ZFAT: variants seen among roughly 807,000 people sequenced by gnomAD.
The protein encoded by ZFAT is zinc finger and AT-hook domain containing.
Under a neutral mutation model 117.7 loss-of-function variants are expected in ZFAT, and 64 were observed. The ratio of observed to expected loss-of-function variants is 0.54; its 90% CI spans 0.44 to 0.67. ZFAT has a LOEUF of 0.67. ZFAT is among the 30% of genes least tolerant of loss of function. The pLI is 0.00. For synonymous variants in ZFAT, 679 were observed against 615.0 expected, an observed-to-expected ratio of 1.10 and a Z score of -1.54; for missense variants, 1,433 against 1,584.5, an observed-to-expected ratio of 0.90 and a Z score of 1.62.
chr8:134,736,693 T>C, the ZFAT span, among the ~76,000 whole-genome samples: 11 of 152,220 alleles, frequency 7.2e-5, no homozygotes, highest in Admixed American at 6.5e-4. Context: ...CCTCTCAGGC[T>C]CAAGTGATCC....
chr8:134,557,536 A>C (rs1823737172), intron 11 of ZFAT, among the ~76,000 whole-genome samples: 1 of 152,242 alleles, frequency 6.6e-6, no homozygotes, highest in Non-Finnish European at 1.5e-5. Context: ...ACAACAGGGG[A>C]AACTGGGTGT....
chr8:134,644,992 C>T (rs1247245552), intron 2 of ZFAT, among the ~76,000 whole-genome samples: 2 of 152,082 alleles, frequency 1.3e-5, no homozygotes, highest in Non-Finnish European at 2.9e-5. Flanking sequence ...GAGATATGAT[C>T]ACACACACGC....
Position 134,576,740 on chromosome 8 carries a change from T to C in ZFAT, c.2887+7092A>G, listed in dbSNP as rs561873774. 8.5e-5 allele frequency among the ~76,000 whole-genome samples: 13 copies of C among 152,350 alleles called. No individual in the cohort carries two copies. In the South Asian group the frequency reaches 2.7e-3, roughly 32 times the overall value. ...TTTAATTTGCAGCCATGAGATCTCT[T>C]ATCATAAATTGAAGAAGGGACAGAA... On this transcript the variant is annotated intron_variant, in intron 10 of 15. Transcript: ENST00000377838.
At chr8:134,763,873 T>C in the ZFAT span, among the ~76,000 whole-genome samples, 1 of 152,230 alleles carries the variant, frequency 6.6e-6, no homozygotes. Flanking sequence ...AAAAAGTCTG[T>C]CTGATTCTAT....
At chr8:134,516,218 A>G (rs1820242237) in intron 13 of ZFAT, among the ~76,000 whole-genome samples, 1 of 152,188 alleles carries the variant, frequency 6.6e-6, no homozygotes, top group South Asian at 2.1e-4. Flanking sequence ...TCCTCCATCC[A>G]TGGTGTTTTC....
the ZFAT span, among the ~76,000 whole-genome samples, chr8:134,757,009 CT>C: frequency 0.3 from 24,609 of 81,088 alleles, 1,290 homozygotes; most frequent in Admixed American, 0.36. Context: ...ACCTTCTTTC[CT>C]TTTTTTTTTT....
At chr8:134,513,138 G>A (rs1272919793) in intron 13 of ZFAT, among the ~76,000 whole-genome samples, 4 of 152,218 alleles carry the variant, frequency 2.6e-5, no homozygotes, top group Admixed American at 1.3e-4. Context: ...ACAGCACGTG[G>A]AGAGCACAGG....
chr8:134,586,065 AGG>A (rs1365068055), intron 9 of ZFAT, among the ~76,000 whole-genome samples: 1 of 152,190 alleles, frequency 6.6e-6, no homozygotes, highest in East Asian at 1.9e-4. Flanking sequence ...TTTATGGTAC[AGG>A]GGATCAATTC....
At chr8:134,622,364 A>C (rs1829180109) in intron 3 of ZFAT, among the ~76,000 whole-genome samples, 1 of 152,160 alleles carries the variant, frequency 6.6e-6, no homozygotes, top group South Asian at 2.1e-4. Context: ...GCATTTGAAA[A>C]AGTGATGACA....
At chr8:134,670,451 A>G (rs201234685) in intron 1 of ZFAT, among the ~76,000 whole-genome samples, 1 of 152,202 alleles carries the variant, frequency 6.6e-6, no homozygotes, top group African/African-American at 2.4e-5. Flanking sequence ...AAGAAACTCA[A>G]TCAAAATCGC....
chr8:134,521,018 AG>A lies in ZFAT; in HGVS notation c.3116-18del. 6.3e-7 allele frequency: 1 copy of A among 1,591,932 alleles called. No individual in the cohort carries two copies. Among genetic ancestry groups the A allele is most frequent in the Non-Finnish European group, 8.6e-7 (1 of 1,164,578 alleles). On this transcript the variant is annotated intron_variant, in intron 12 of 15. Coordinates refer to ENST00000377838, the MANE Select transcript of ZFAT (RefSeq NM_020863.4). ...TCAAACCACCTGAAAGCACAGACAG[AG>A]GTTAAAAAAAAAATGTGTTCGTAAT...
intron 10 of ZFAT, among the ~76,000 whole-genome samples, chr8:134,570,602 T>C (rs906726668): frequency 6.6e-5 from 10 of 152,200 alleles, no homozygotes; most frequent in African/African-American, 2.4e-4. Flanking sequence ...TGCCATGTCC[T>C]CAGTGCTTGG....
At chr8:134,744,888 C>A in the ZFAT span, among the ~76,000 whole-genome samples, 1 of 151,936 alleles carries the variant, frequency 6.6e-6, no homozygotes, top group Non-Finnish European at 1.5e-5. Flanking sequence ...CGCCACCAGG[C>A]CCGGCTACTT....
intron 9 of ZFAT, 95 bp from the exon 10 acceptor site, chr8:134,584,100 AC>A: frequency 7.9e-7 from 1 of 1,264,514 alleles, no homozygotes; most frequent in Non-Finnish European, 1.1e-6. Flanking sequence ...ATCTAAATAC[AC>A]TTATAGATAT....
intron 14 of ZFAT, among the ~76,000 whole-genome samples, chr8:134,510,413 A>T (rs894435303): frequency 1.4e-4 from 21 of 152,068 alleles, no homozygotes; most frequent in Non-Finnish European, 8.8e-5. Context: ...TGACTGCTTG[A>T]TCTCCACCTC....
At chr8:134,808,580 C>T in the ZFAT span, among the ~76,000 whole-genome samples, 1 of 152,140 alleles carries the variant, frequency 6.6e-6, no homozygotes, top group South Asian at 2.1e-4. Flanking sequence ...GGAATGGTAA[C>T]GTCTGCAGTC....
Position 134,601,757 on chromosome 8 carries a change from T to C in ZFAT, c.1962A>G (p.Leu654=), listed in dbSNP as rs1827484076. The change falls in exon 6 of 16, where the codon CTA becomes CTG. Residue 654 remains leucine (L), a synonymous_variant. Coordinates refer to ENST00000377838, the MANE Select transcript of ZFAT (RefSeq NM_020863.4). ...DQESHGAQSP[L]GEGQNMAVLS... ...GCACAGCCATGTTCTGCCCTTCCCC[T>C]AGGGGGCTCTGGGCGCCATGGCTTT... 1.2e-6 allele frequency: 2 copies of C among 1,613,710 alleles called. No individual in the cohort carries two copies. The highest frequency in any genetic ancestry group is 1.7e-6 in the Non-Finnish European group (2 of 1,179,858).
chr8:134,672,490 G>A (rs1832608898), intron 1 of ZFAT, among the ~76,000 whole-genome samples: 1 of 152,032 alleles, frequency 6.6e-6, no homozygotes, highest in African/African-American at 2.4e-5. Flanking sequence ...ATACCAACAT[G>A]GCACATGTAT....
chr8:134,784,422 T>C, the ZFAT span: 1 of 152,150 alleles, frequency 6.6e-6, no homozygotes, highest in African/African-American at 2.4e-5. Context: ...AATATGCGAT[T>C]CTCTTTAAAA....
Sources: gnomAD v4.1 joint callset for allele counts (sites outside exome capture counted in the v4.1 genomes callset) on GRCh38, gnomAD v4.1.1 for gene constraint, MANE v1.5 for transcripts, NCBI Gene and HGNC (gene_info 2026-07-23, HGNC 2026-07-21) for gene names.